The following NALF1 variants were observed in gnomAD, a reference collection of about 807,000 sequenced individuals.
NALF1 encodes NALCN channel auxiliary factor 1.
NALF1 carries 3 observed loss-of-function variants against 48.4 expected under a neutral mutation model. The ratio of observed to expected loss-of-function variants is 0.06; its 90% CI spans 0.03 to 0.16. The LOEUF (loss-of-function observed/expected upper bound fraction) is 0.16, where lower values mean the gene tolerates loss of function less well. NALF1 is among the 10% of genes least tolerant of loss of function. NALF1 has a pLI of 1.00. For synonymous variants in NALF1, 262 were observed against 245.7 expected (o/e 1.07, Z -0.62); for missense variants, 526 against 571.5 (o/e 0.92, Z 0.81).
chr13:107,466,328 C>G (rs1197285275), intron 1 of NALF1: 1 of 152,234 alleles, frequency 6.6e-6, no homozygotes, highest in Non-Finnish European at 1.5e-5. Context: ...CCACTTAATT[C>G]TATTGCATAT....
chr13:107,443,192 CT>C lies in NALF1; in HGVS notation c.916-232438del, dbSNP rs577644090. Among the ~76,000 whole-genome samples, 845 of 151,918 alleles carry C rather than the reference CT, an allele frequency of 5.6e-3. 6 individuals are homozygous for C. The highest frequency in any genetic ancestry group is 0.019 in the African/African-American group (797 of 41,394). The stretch of plus-strand genomic sequence containing the variant: ...ACAATCTATCTATCTATCTATCTAT[CT>C]ATCTATCTATCTATCTATCTATCTA... On this transcript the variant is annotated intron_variant, in intron 1 of 2. Coordinates refer to ENST00000375915, the MANE Select transcript of NALF1 (RefSeq NM_001080396.3).
chr13:107,345,229 G>T (rs949902599), intron 1 of NALF1, among the ~76,000 whole-genome samples: 2 of 151,976 alleles, frequency 1.3e-5, no homozygotes, highest in East Asian at 1.9e-4. Context: ...ATGTTTATAC[G>T]ACTCAAAGCA....
intron 1 of NALF1, among the ~76,000 whole-genome samples, chr13:107,278,666 C>T (rs72666545): frequency 0.033 from 5,020 of 152,178 alleles, 103 homozygotes; most frequent in Middle Eastern, 0.062. Flanking sequence ...TGCTTACCAG[C>T]TAATTAAGGG....
At chr13:107,347,019 C>A (rs1187220066) in intron 1 of NALF1, among the ~76,000 whole-genome samples, 1 of 151,972 alleles carries the variant, frequency 6.6e-6, no homozygotes, top group Non-Finnish European at 1.5e-5. Flanking sequence ...TTTCTTATTT[C>A]TTTTTTAAAT....
rs986571343 is a variant in NALF1 at position 107,170,791 on chromosome 13, A to G, written c.1088-5T>C. 1.9e-6 allele frequency: 3 copies of G among 1,613,104 alleles called. No homozygotes were observed. Among genetic ancestry groups the G allele is most frequent in the Non-Finnish European group, 2.5e-6 (3 of 1,179,274 alleles). On this transcript the variant is annotated splice_polypyrimidine_tract_variant and splice_region_variant and intron_variant, in intron 2 of 2. Transcript: ENST00000375915. ...TTAGAAAGGTTTCATAAAGCCCTGT[A>G]GGAAGAAGGAAGTAGAGTGTCAGCA...
chr13:107,228,715 G>A (rs1246814816), intron 1 of NALF1, among the ~76,000 whole-genome samples: 1 of 152,130 alleles, frequency 6.6e-6, no homozygotes, highest in Non-Finnish European at 1.5e-5. Context: ...CGCCTCCCGG[G>A]CTCAAGCGAT....
intron 1 of NALF1, among the ~76,000 whole-genome samples, chr13:107,473,629 GA>G (rs2139054613): frequency 6.6e-6 from 1 of 152,256 alleles, no homozygotes; most frequent in African/African-American, 2.4e-5. Context: ...TTTGCTTATG[GA>G]AAAGAGAGGC....
intron 1 of NALF1, among the ~76,000 whole-genome samples, chr13:107,784,585 T>C (rs892102874): frequency 1.3e-5 from 2 of 152,026 alleles, no homozygotes; most frequent in Non-Finnish European, 2.9e-5. Context: ...AAAAGTGGGC[T>C]AAGGACATGA....
chr13:107,783,939 T>C (rs968221901), intron 1 of NALF1, among the ~76,000 whole-genome samples: 5 of 152,056 alleles, frequency 3.3e-5, no homozygotes, highest in Admixed American at 6.6e-5. Flanking sequence ...TCACTTCTTC[T>C]TCTACCTAGT....
At chr13:107,588,250 A>T (rs1248529214) in intron 1 of NALF1, among the ~76,000 whole-genome samples, 1 of 152,142 alleles carries the variant, frequency 6.6e-6, no homozygotes, top group Non-Finnish European at 1.5e-5. Context: ...AAATTAGTTT[A>T]TCAAATAAGT....
intron 1 of NALF1, among the ~76,000 whole-genome samples, chr13:107,596,677 G>A (rs913639344): frequency 6.6e-6 from 1 of 152,008 alleles, no homozygotes; most frequent in Non-Finnish European, 1.5e-5. Flanking sequence ...TGTTGAGGGG[G>A]GTGGGGGACT....
chr13:107,636,367 T>C (rs1316883623), intron 1 of NALF1, among the ~76,000 whole-genome samples: 1 of 152,176 alleles, frequency 6.6e-6, no homozygotes, highest in African/African-American at 2.4e-5. Context: ...TTTGGAATTG[T>C]CTGGTACCAA....
chr13:107,717,576 G>C (rs1875859310), intron 1 of NALF1, among the ~76,000 whole-genome samples: 1 of 151,284 alleles, frequency 6.6e-6, no homozygotes, highest in Non-Finnish European at 1.5e-5. Context: ...GCTACGTCCA[G>C]TGCTCAGGGA....
chr13:107,660,971 A>T (rs1880721430), intron 1 of NALF1, among the ~76,000 whole-genome samples: 1 of 152,208 alleles, frequency 6.6e-6, no homozygotes, highest in South Asian at 2.1e-4. Context: ...TAAGGTTGCA[A>T]ATATCAAAGG....
chr13:107,720,064 T>A (rs1347067690), intron 1 of NALF1, among the ~76,000 whole-genome samples: 1 of 152,192 alleles, frequency 6.6e-6, no homozygotes. Context: ...ATCACCTCCA[T>A]GGAGCCTCTC....
chr13:107,497,950 A>G lies in NALF1; in HGVS notation c.916-287195T>C, dbSNP rs531862371. ...TAAGCTTTATTGTTTCCAGATGATC[A>G]GAATTTTTGTCCTTGTTAGAATATG... On this transcript the variant is annotated intron_variant, in intron 1 of 2. Transcript: ENST00000375915. Among the ~76,000 whole-genome samples the G allele has an allele frequency of 3.3e-5, 5 of 152,346 alleles. No homozygotes were observed. The South Asian group carries it at 1.0e-3, about 32-fold the overall frequency.
At chr13:107,230,453 T>C (rs933157324) in intron 1 of NALF1, among the ~76,000 whole-genome samples, 10 of 152,134 alleles carry the variant, frequency 6.6e-5, no homozygotes, top group African/African-American at 2.4e-4. Flanking sequence ...AAAAAGCCTA[T>C]ATTGATTGTG....
intron 1 of NALF1, among the ~76,000 whole-genome samples, chr13:107,298,954 T>C (rs1426413194): frequency 6.6e-6 from 1 of 152,192 alleles, no homozygotes; most frequent in Non-Finnish European, 1.5e-5. Flanking sequence ...TCCCCTAATG[T>C]TCTTTTTCTG....
At chr13:107,659,291 T>C (rs1003261082) in intron 1 of NALF1, among the ~76,000 whole-genome samples, 1 of 152,198 alleles carries the variant, frequency 6.6e-6, no homozygotes, top group African/African-American at 2.4e-5. Context: ...TGCTTATAAT[T>C]TGCATGTAAT....
Sources: allele counts gnomAD v4.1 joint callset (sites outside exome capture counted in the v4.1 genomes callset), GRCh38; gene constraint gnomAD v4.1.1; transcripts MANE v1.5; gene names NCBI Gene and HGNC (gene_info 2026-07-23, HGNC 2026-07-21).